NSMCE2: variants seen among roughly 807,000 people sequenced by gnomAD.
NSMCE2 encodes the protein NSE2 SUMO ligase component of SMC5/6 complex, also known as E3 SUMO-protein ligase NSE2.
A neutral mutation model predicts 23.8 loss-of-function variants in NSMCE2; 24 were observed. The ratio of observed to expected loss-of-function variants is 1.01; its 90% CI spans 0.73 to 1.42. The LOEUF is 1.42. Ranked by LOEUF, NSMCE2 falls within the 40% of genes most tolerant of loss-of-function variation. The probability of loss-of-function intolerance (pLI) is 0.00; values close to 1 mark genes in which losing one functional copy is unlikely to be tolerated. For synonymous variants in NSMCE2, 92 were observed against 94.1 expected (o/e 0.98, Z 0.13); for missense variants, 284 against 296.5 (o/e 0.96, Z 0.31).
chr8:125,190,343 G>GTAGTTTTTT (rs1823292020), intron 5 of NSMCE2, among the ~76,000 whole-genome samples: 1 of 152,082 alleles, frequency 6.6e-6, no homozygotes, highest in African/African-American at 2.4e-5. Flanking sequence ...TGGTGAAGCA[G>GTAGTTTTTT]CCTCAGAGAG....
At chr8:125,138,496 G>C (rs1563673538) in intron 3 of NSMCE2, among the ~76,000 whole-genome samples, 1 of 151,874 alleles carries the variant, frequency 6.6e-6, no homozygotes. Context: ...AAAGTGCTGG[G>C]ATTACAGATG....
intron 7 of NSMCE2, among the ~76,000 whole-genome samples, chr8:125,366,445 C>A (rs1169483502): frequency 6.6e-6 from 1 of 152,052 alleles, no homozygotes; most frequent in Non-Finnish European, 1.5e-5. Flanking sequence ...GAGGCTGAGG[C>A]AGGAGAATGG....
At chr8:125,236,159 G>A (rs988909992) in intron 5 of NSMCE2, among the ~76,000 whole-genome samples, 4 of 152,300 alleles carry the variant, frequency 2.6e-5, no homozygotes, top group Non-Finnish European at 5.9e-5. Context: ...GAAACTTTTT[G>A]CGCTTAACGT....
chr8:125,150,305 A>G (rs1447141009), intron 3 of NSMCE2, among the ~76,000 whole-genome samples: 8 of 145,264 alleles, frequency 5.5e-5, no homozygotes, highest in Non-Finnish European at 1.2e-4. Flanking sequence ...TTTTTGTTTT[A>G]TTCTAGATTT....
At chr8:125,193,513 A>G (rs180820203) in intron 5 of NSMCE2, among the ~76,000 whole-genome samples, 28 of 152,336 alleles carry the variant, frequency 1.8e-4, no homozygotes, top group African/African-American at 6.3e-4. Context: ...TTATGCTTCT[A>G]CCTTGTCTCT....
chr8:125,258,786 A>T (rs1826553926), intron 5 of NSMCE2, among the ~76,000 whole-genome samples: 1 of 152,158 alleles, frequency 6.6e-6, no homozygotes, highest in Non-Finnish European at 1.5e-5. Context: ...TAGTCGCCAG[A>T]GGTTAGTTGA....
intron 5 of NSMCE2, among the ~76,000 whole-genome samples, chr8:125,208,680 A>G (rs1167579609): frequency 6.6e-6 from 1 of 152,230 alleles, no homozygotes; most frequent in East Asian, 1.9e-4. Context: ...ACACCTGAGA[A>G]GGGAGACATC....
At chr8:125,173,137 T>G (rs1456990687) in intron 4 of NSMCE2, among the ~76,000 whole-genome samples, 1 of 152,220 alleles carries the variant, frequency 6.6e-6, no homozygotes, top group Admixed American at 6.5e-5. Flanking sequence ...GTCACCTCCC[T>G]TTTTGTCCCT....
chr8:125,217,452 C>T (rs1824645808), intron 5 of NSMCE2, among the ~76,000 whole-genome samples: 1 of 152,118 alleles, frequency 6.6e-6, no homozygotes, highest in East Asian at 1.9e-4. Flanking sequence ...GCTCTGCCTC[C>T]CAGGTTCATG....
At chr8:125,094,261 G>C (rs755979261) in intron 1 of NSMCE2, among the ~76,000 whole-genome samples, 2 of 152,194 alleles carry the variant, frequency 1.3e-5, no homozygotes, top group African/African-American at 2.4e-5. Flanking sequence ...CATCTTGCAA[G>C]ATAGTCACTA....
At chr8:125,318,397 G>C (rs558080470) in intron 5 of NSMCE2, among the ~76,000 whole-genome samples, 117 of 152,328 alleles carry the variant, frequency 7.7e-4, no homozygotes, top group African/African-American at 2.8e-3. Flanking sequence ...GACACAGTGA[G>C]ACCCTGACTC....
intron 4 of NSMCE2, among the ~76,000 whole-genome samples, chr8:125,153,081 A>AG: frequency 6.6e-6 from 1 of 150,878 alleles, no homozygotes; most frequent in African/African-American, 2.4e-5. Flanking sequence ...AAAAAAAAAA[A>AG]GAATTGAACT....
chr8:125,110,764 T>G (rs1012084804), intron 3 of NSMCE2, among the ~76,000 whole-genome samples: 4 of 144,512 alleles, frequency 2.8e-5, no homozygotes, highest in Non-Finnish European at 3.0e-5. Flanking sequence ...TTGTTGTTGT[T>G]TTTTTTTTTT....
At chr8:125,217,181 G>A (rs1824625859) in intron 5 of NSMCE2, among the ~76,000 whole-genome samples, 1 of 152,026 alleles carries the variant, frequency 6.6e-6, no homozygotes, top group South Asian at 2.1e-4. Context: ...TCCCTAGGAG[G>A]CATGTGTTTT....
intron 5 of NSMCE2, among the ~76,000 whole-genome samples, chr8:125,327,923 T>G (rs540426885): frequency 3.3e-4 from 50 of 152,346 alleles, no homozygotes; most frequent in African/African-American, 1.2e-3. Flanking sequence ...GGGAACTCCC[T>G]TTGAACCTTT....
At chr8:125,366,106 T>C (rs1813779125) in intron 7 of NSMCE2, among the ~76,000 whole-genome samples, 1 of 152,116 alleles carries the variant, frequency 6.6e-6, no homozygotes, top group African/African-American at 2.4e-5. Context: ...AGGCATGCCC[T>C]GAGTCCAGCC....
At chr8:125,170,071 G>A (rs1420178408) in intron 4 of NSMCE2, among the ~76,000 whole-genome samples, 1 of 151,104 alleles carries the variant, frequency 6.6e-6, no homozygotes, top group Non-Finnish European at 1.5e-5. Context: ...ACATCATGAA[G>A]TTAATCATTT....
At chr8:125,314,617 A>C (rs960107557) in intron 5 of NSMCE2, among the ~76,000 whole-genome samples, 2 of 151,954 alleles carry the variant, frequency 1.3e-5, no homozygotes, top group African/African-American at 4.8e-5. Context: ...ACACTCGATC[A>C]CTCCCTGAAA....
At chr8:125,326,375 T>C (rs1293196321) in intron 5 of NSMCE2, among the ~76,000 whole-genome samples, 1 of 152,164 alleles carries the variant, frequency 6.6e-6, no homozygotes, top group Non-Finnish European at 1.5e-5. Context: ...CATATCTCTT[T>C]GAGTAAAAAT....
Sources: allele counts gnomAD v4.1 joint callset (sites outside exome capture counted in the v4.1 genomes callset), GRCh38; gene constraint gnomAD v4.1.1; transcripts MANE v1.5; gene names NCBI Gene and HGNC (gene_info 2026-07-23, HGNC 2026-07-21).